The following EDARADD variants were observed in gnomAD, a reference collection of about 807,000 sequenced individuals.
EDARADD encodes the protein EDAR associated via death domain.
EDARADD carries 20 observed loss-of-function variants against 25.6 expected under a neutral mutation model. That is an observed-to-expected ratio of 0.78 (90% CI 0.55 to 1.14). The LOEUF (loss-of-function observed/expected upper bound fraction) is 1.14. Among genes scored for constraint, EDARADD ranks in the 50% most tolerant of loss-of-function variants. The pLI is 0.00. For missense variants in EDARADD, 225 were observed against 270.1 expected (o/e 0.83, Z 1.17); for synonymous variants, 86 against 94.4 (o/e 0.91, Z 0.52).
intron 3 of EDARADD, among the ~76,000 whole-genome samples, chr1:236,365,974 A>G (rs190655326): frequency 1.1e-3 from 170 of 152,350 alleles, no homozygotes; most frequent in African/African-American, 3.9e-3. Context: ...GGTATTTTAA[A>G]AATACATCCC....
intron 4 of EDARADD, among the ~76,000 whole-genome samples, chr1:236,431,255 C>T (rs1177546392): frequency 6.6e-6 from 1 of 152,052 alleles, no homozygotes; most frequent in Non-Finnish European, 1.5e-5. Context: ...CTTCCTTTTT[C>T]GAGTGATGCC....
intron 3 of EDARADD, among the ~76,000 whole-genome samples, chr1:236,375,094 T>C (rs923190417): frequency 2.0e-5 from 3 of 152,080 alleles, no homozygotes; most frequent in South Asian, 2.1e-4. Flanking sequence ...ACTTTTTCTT[T>C]AGTTGTTGTC....
intron 1 of EDARADD, among the ~76,000 whole-genome samples, chr1:236,397,857 C>T (rs76245468): frequency 0.011 from 1,716 of 152,170 alleles, 38 homozygotes; most frequent in African/African-American, 0.039. Flanking sequence ...ACACACACCC[C>T]AATTTCCCCT....
At chr1:236,420,152 C>T (rs962900429) in intron 3 of EDARADD, among the ~76,000 whole-genome samples, 1 of 152,188 alleles carries the variant, frequency 6.6e-6, no homozygotes, top group Non-Finnish European at 1.5e-5. Flanking sequence ...TGCCACTGCA[C>T]TCCACCCTGG....
intron 3 of EDARADD, among the ~76,000 whole-genome samples, chr1:236,377,768 G>C (rs971097313): frequency 6.6e-6 from 1 of 151,886 alleles, no homozygotes. Context: ...TGAGGCAGGA[G>C]AATCGCTTGA....
At chr1:236,460,396 G>A (rs1014231758) in intron 4 of EDARADD, among the ~76,000 whole-genome samples, 5 of 151,538 alleles carry the variant, frequency 3.3e-5, no homozygotes, top group East Asian at 1.9e-4. Flanking sequence ...ACGTTGCCCC[G>A]GCTGGTTTTG....
chr1:236,350,526 C>T (rs532328542), intron 2 of EDARADD, among the ~76,000 whole-genome samples: 52 of 152,336 alleles, frequency 3.4e-4, no homozygotes, highest in Non-Finnish European at 2.6e-4. Flanking sequence ...CCTCCCGCCT[C>T]GGCCTCCCAA....
intron 3 of EDARADD, among the ~76,000 whole-genome samples, chr1:236,426,980 C>G (rs1290770412): frequency 1.3e-5 from 2 of 152,026 alleles, no homozygotes; most frequent in African/African-American, 4.8e-5. Context: ...CTCCTGAGTT[C>G]AAGTGATTCT....
upstream of EDARADD, among the ~76,000 whole-genome samples, chr1:236,390,189 A>C (rs2102998359): frequency 6.6e-6 from 1 of 152,268 alleles, no homozygotes; most frequent in South Asian, 2.1e-4. Context: ...CAAGGGATAA[A>C]AGACAACCAA....
At chr1:236,384,932 G>GATTTAAAAT (rs1667335011) in intron 3 of EDARADD, among the ~76,000 whole-genome samples, 2 of 151,414 alleles carry the variant, frequency 1.3e-5, no homozygotes. Context: ...TTTAAAATTT[G>GATTTAAAAT]GATACTCACC....
At chr1:236,420,100 C>T (rs1018483824) in intron 3 of EDARADD, among the ~76,000 whole-genome samples, 1 of 152,148 alleles carries the variant, frequency 6.6e-6, no homozygotes, top group African/African-American at 2.4e-5. Context: ...GCACGAGAAT[C>T]GCTTGAACCT....
At chr1:236,477,437 A>G (rs74332647) in intron 5 of EDARADD, among the ~76,000 whole-genome samples, 7,811 of 152,160 alleles carry the variant, frequency 0.051, 258 homozygotes, top group Middle Eastern at 0.11. Context: ...AGAGATACCT[A>G]TCTGTTCTCA....
In EDARADD at chr1:236,396,396, CGAAT is replaced by C. The variant is rs777953701; in HGVS notation, c.61+1898_61+1901del. Among the ~76,000 whole-genome samples, 4 of 152,280 alleles carry C rather than the reference CGAAT, an allele frequency of 2.6e-5. No homozygotes were observed. The East Asian group carries it at 5.8e-4, about 22-fold the overall frequency. On this transcript the variant is annotated intron_variant, in intron 1 of 5. Transcript: ENST00000334232. ...CATCCGTGGGTGTTTCTTGAACACACGAATGAATGATCTATCCCTCAGAGTACAC... is the reference window on the plus strand; with the variant it reads ...CATCCGTGGGTGTTTCTTGAACACACGAATGATCTATCCCTCAGAGTACAC...
At chr1:236,409,090 AGT>A in intron 1 of EDARADD, 124 bp from the exon 2 acceptor site, 6 of 446,906 alleles carry the variant, frequency 1.3e-5, no homozygotes, top group South Asian at 9.4e-5. Flanking sequence ...AAAAAAAAGG[AGT>A]AAGGTTTTCT....
chr1:236,416,244 G>A (rs1218015101), intron 3 of EDARADD, among the ~76,000 whole-genome samples: 1 of 152,172 alleles, frequency 6.6e-6, no homozygotes, highest in Admixed American at 6.5e-5. Context: ...GAAATAAATC[G>A]AGAATGGTGC....
intron 4 of EDARADD, among the ~76,000 whole-genome samples, chr1:236,452,543 G>A (rs1159397533): frequency 6.6e-6 from 1 of 151,944 alleles, no homozygotes; most frequent in East Asian, 1.9e-4. Context: ...GACGTGCCCT[G>A]CTTCTCCTTC....
intron 4 of EDARADD, among the ~76,000 whole-genome samples, chr1:236,462,648 T>TGAA (rs1659068970): frequency 6.6e-6 from 1 of 152,148 alleles, no homozygotes; most frequent in Non-Finnish European, 1.5e-5. Flanking sequence ...TACCCAGAGC[T>TGAA]TTCAGCTCCC....
At chr1:236,356,270 A>T (rs1666974578) in intron 3 of EDARADD, among the ~76,000 whole-genome samples, 1 of 152,134 alleles carries the variant, frequency 6.6e-6, no homozygotes, top group Non-Finnish European at 1.5e-5. Context: ...GCAGGGGAGG[A>T]AGGGAGGAGA....
intron 5 of EDARADD, among the ~76,000 whole-genome samples, chr1:236,476,750 C>T (rs377185978): frequency 1.7e-3 from 264 of 152,246 alleles, no homozygotes; most frequent in African/African-American, 5.9e-3. Context: ...GTCTTGAACT[C>T]CCAACCTCAG....
Sources: gnomAD v4.1 joint callset for allele counts (sites outside exome capture counted in the v4.1 genomes callset) on GRCh38, gnomAD v4.1.1 for gene constraint, MANE v1.5 for transcripts, NCBI Gene and HGNC (gene_info 2026-07-23, HGNC 2026-07-21) for gene names.